The following CLRN1 variants were observed in gnomAD, a reference collection of about 807,000 sequenced individuals.
The protein encoded by CLRN1 is clarin 1, also known as clarin-1.
CLRN1 carries 15 observed loss-of-function variants against 18.7 expected under a neutral mutation model. The ratio of observed to expected loss-of-function variants is 0.80; its 90% CI spans 0.54 to 1.23. The LOEUF is 1.23. CLRN1 is among the 50% of genes most tolerant of loss of function. CLRN1 has a pLI of 0.00. For missense variants in CLRN1, 311 were observed against 277.5 expected (o/e 1.12, Z -0.86); for synonymous variants, 104 against 102.9 (o/e 1.01, Z -0.07).
intron 1 of CLRN1, among the ~76,000 whole-genome samples, chr3:150,949,367 G>C (rs960218664): frequency 6.6e-6 from 1 of 152,120 alleles, no homozygotes; most frequent in African/African-American, 2.4e-5. Flanking sequence ...GGGAAATCAG[G>C]CAAGAGAAAG....
At position 150,944,754 on chromosome 3, in the gene CLRN1, C is replaced by CA. The variant is rs778124504; in HGVS notation, c.254-2994dup. ...TGGGCAACAGAGTGAGAATCCGTCT[C>CA]AAAAAAAAAAAAAGAAGAGTCAAGG... On this transcript the variant is annotated intron_variant, in intron 1 of 2. Transcript: ENST00000327047. Among the ~76,000 whole-genome samples, 1,119 of 120,710 alleles carry CA rather than the reference C, an allele frequency of 9.3e-3. 6 individuals carry two copies. The highest frequency in any genetic ancestry group is 0.018 in the African/African-American group (591 of 32,256). The allele number at this position is 120,710 out of a possible 152,430, so 79.2% of individuals were successfully genotyped here.
chr3:150,936,091 G>A (rs1713467844), intron 2 of CLRN1, among the ~76,000 whole-genome samples: 1 of 151,826 alleles, frequency 6.6e-6, no homozygotes, highest in South Asian at 2.1e-4. Context: ...TCCATTTTGT[G>A]GGTTGCCTGT....
chr3:150,932,961 T>C (rs1467494578), intron 2 of CLRN1, among the ~76,000 whole-genome samples: 1 of 152,242 alleles, frequency 6.6e-6, no homozygotes, highest in Non-Finnish European at 1.5e-5. Flanking sequence ...TAATGGAAAG[T>C]TGAAGAGCCC....
intron 1 of CLRN1, among the ~76,000 whole-genome samples, chr3:150,962,129 C>T (rs1490960872): frequency 6.6e-6 from 1 of 152,132 alleles, no homozygotes; most frequent in East Asian, 1.9e-4. Flanking sequence ...GATAACAGGA[C>T]CCATTTAACT....
At chr3:150,944,097 A>C in intron 1 of CLRN1, 1 of 572,568 alleles carries the variant, frequency 1.7e-6, no homozygotes, top group South Asian at 1.9e-5. Flanking sequence ...ATGGTCAGGA[A>C]AGTGAAACGA....
chr3:150,972,656 A>G lies in CLRN1; in HGVS notation c.53T>C (p.Phe18Ser). ...IIFCMAGVFS[F>S]ACALGVVTAL... ...TGTCACAACTCCGAGGGCACATGCA[A>G]AACTGAACACTCCGGCCATGCAAAA... The change falls in exon 1 of 3, where the codon TTT (phenylalanine) becomes TCT (serine). Residue 18 changes from phenylalanine (F) to serine (S), a missense_variant. Transcript: ENST00000327047. The G allele has an allele frequency of 1.2e-6, 2 of 1,614,242 alleles. No individual in the cohort carries two copies. Among genetic ancestry groups the G allele is most frequent in the Middle Eastern group, 1.6e-4 (1 of 6,062 alleles).
intron 2 of CLRN1, among the ~76,000 whole-genome samples, chr3:150,930,891 G>A (rs922379144): frequency 3.9e-5 from 6 of 152,210 alleles, no homozygotes; most frequent in African/African-American, 7.2e-5. Flanking sequence ...TACTTGGGGT[G>A]TCATAAGACT....
At chr3:150,935,295 T>TAC (rs1559979758) in intron 2 of CLRN1, among the ~76,000 whole-genome samples, 1 of 66,420 alleles carries the variant, frequency 1.5e-5, no homozygotes, top group Non-Finnish European at 3.2e-5. Context: ...CCCTCCCCCC[T>TAC]CTTCCCACCC....
At position 150,964,518 on chromosome 3, in the gene CLRN1, C is replaced by T. The variant is rs956592795; in HGVS notation, c.253+7938G>A. Among the ~76,000 whole-genome samples the T allele has an allele frequency of 4.5e-4, 68 of 152,282 alleles. 1 individual carries two copies. Among genetic ancestry groups the T allele is most frequent in the African/African-American group, 1.6e-3 (68 of 41,564 alleles). On this transcript the variant is annotated intron_variant, in intron 1 of 2. Coordinates refer to ENST00000327047, the MANE Select transcript of CLRN1 (RefSeq NM_174878.3). Reference sequence around the variant, plus strand: ...GTGGCAATTCCTGAAGGACCTAGAACCAGAAATGCCATTTGACCCAGCAAT... The same window carrying T: ...GTGGCAATTCCTGAAGGACCTAGAATCAGAAATGCCATTTGACCCAGCAAT...
intron 1 of CLRN1, among the ~76,000 whole-genome samples, chr3:150,953,437 C>T (rs1252197578): frequency 2.0e-5 from 3 of 152,144 alleles, no homozygotes; most frequent in Admixed American, 6.5e-5. Context: ...GCCCTTTTCT[C>T]TCCATTATCA....
chr3:150,929,456 T>G (rs1441910972), intron 2 of CLRN1, among the ~76,000 whole-genome samples: 9 of 152,246 alleles, frequency 5.9e-5, no homozygotes, highest in African/African-American at 4.8e-5. Flanking sequence ...GGAGACTTGC[T>G]GGGATGGTTT....
rs560845052 is a variant in CLRN1, at chr3:150,929,974, G to C, written c.434-1773C>G. On this transcript the variant is annotated intron_variant, in intron 2 of 2. Coordinates refer to ENST00000327047, the MANE Select transcript of CLRN1 (RefSeq NM_174878.3). The stretch of plus-strand genomic sequence containing the variant: ...TAGGAGTGGCAACATAATGGCTTGA[G>C]TTTCTATTCATTAATTCACTCATTC... Among the ~76,000 whole-genome samples, 53 of 152,208 alleles carry C rather than the reference G, an allele frequency of 3.5e-4. No homozygotes were observed. The South Asian group carries it at 0.01, about 30-fold the overall frequency.
intron 2 of CLRN1, among the ~76,000 whole-genome samples, chr3:150,935,696 T>C (rs1298795481): frequency 6.6e-6 from 1 of 151,636 alleles, no homozygotes. Flanking sequence ...TATTTCTAGT[T>C]CTAGATCCCT....
chr3:150,927,922 G>A lies in CLRN1; in HGVS notation c.*14C>T. ...AAGTCTACTCCCTTGTAAAATTATA[G>A]AAAGGTTTGCCTTTCAGTACATTAG... On this transcript the variant is annotated 3_prime_UTR_variant, in exon 3 of 3. Coordinates refer to ENST00000327047, the MANE Select transcript of CLRN1 (RefSeq NM_174878.3). The A allele has an allele frequency of 6.2e-7, 1 of 1,613,962 alleles. No homozygotes were observed. The highest frequency in any genetic ancestry group is 8.5e-7 in the Non-Finnish European group (1 of 1,179,986).
chr3:150,951,286 A>G (rs1175839347), intron 1 of CLRN1, among the ~76,000 whole-genome samples: 10 of 152,120 alleles, frequency 6.6e-5, no homozygotes, highest in Non-Finnish European at 5.9e-5. Flanking sequence ...TTCTTCAGCT[A>G]TATTAGTCCA....
chr3:150,933,518 T>C (rs988749557), intron 2 of CLRN1, among the ~76,000 whole-genome samples: 1 of 151,728 alleles, frequency 6.6e-6, no homozygotes, highest in African/African-American at 2.4e-5. Context: ...GCAAAGGAAG[T>C]AGGTGGTTTG....
At chr3:150,956,824 G>T (rs1714757561) in intron 1 of CLRN1, among the ~76,000 whole-genome samples, 1 of 152,044 alleles carries the variant, frequency 6.6e-6, no homozygotes, top group African/African-American at 2.4e-5. Context: ...TCTGTCCCTT[G>T]TCAGATATTC....
At chr3:150,938,552 T>C (rs1475748615) in intron 2 of CLRN1, among the ~76,000 whole-genome samples, 1 of 152,148 alleles carries the variant, frequency 6.6e-6, no homozygotes, top group Non-Finnish European at 1.5e-5. Context: ...AAACTGCCAG[T>C]CCATCTGACC....
At position 150,967,530 on chromosome 3, in the gene CLRN1, T is replaced by G. The variant is rs145104378; in HGVS notation, c.253+4926A>C. ...TGGTGAAATGGTGCATATAGCTTCT[T>G]CCTCTCCTCCCCTAACCAGGTAGTC... On this transcript the variant is annotated intron_variant, in intron 1 of 2. Coordinates refer to ENST00000327047, the MANE Select transcript of CLRN1 (RefSeq NM_174878.3). Among the ~76,000 whole-genome samples, 171 of 152,284 alleles carry G rather than the reference T, an allele frequency of 1.1e-3. 1 individual carries two copies. The highest frequency in any genetic ancestry group is 3.9e-3 in the African/African-American group (161 of 41,560).
Sources: gnomAD v4.1 joint callset for allele counts (sites outside exome capture counted in the v4.1 genomes callset) on GRCh38, gnomAD v4.1.1 for gene constraint, MANE v1.5 for transcripts, NCBI Gene and HGNC (gene_info 2026-07-23, HGNC 2026-07-21) for gene names.